Variants in AFF3 observed in about 807,000 individuals in gnomAD.
AFF3 encodes AF4/FMR2 family member 3.
AFF3 carries 32 observed loss-of-function variants against 129.7 expected under a neutral mutation model. That is an observed-to-expected ratio of 0.25 (90% CI 0.19 to 0.33). The LOEUF (loss-of-function observed/expected upper bound fraction) is 0.33, where lower values mean the gene tolerates loss of function less well. Ranked by LOEUF, AFF3 falls within the 10% of genes least tolerant of loss-of-function variation. The pLI, the probability that AFF3 is intolerant of heterozygous loss-of-function variation, is 1.00. For synonymous variants in AFF3, 644 were observed against 635.4 expected (o/e 1.01, Z -0.20); for missense variants, 1,373 against 1,592.0 (o/e 0.86, Z 2.34).
chr2:100,080,039 A>G (rs1280259592), intron 4 of AFF3, among the ~76,000 whole-genome samples: 2 of 152,242 alleles, frequency 1.3e-5, no homozygotes, highest in African/African-American at 4.8e-5. Context: ...TAGCTCAGAC[A>G]CTGCAAACCA....
intron 8 of AFF3, among the ~76,000 whole-genome samples, chr2:99,768,322 A>G (rs1683186276): frequency 6.6e-6 from 1 of 152,210 alleles, no homozygotes; most frequent in African/African-American, 2.4e-5. Context: ...ACCAGTGTTA[A>G]GCACTGGGTA....
chr2:99,965,224 T>C (rs1677626247), intron 7 of AFF3, among the ~76,000 whole-genome samples: 1 of 152,166 alleles, frequency 6.6e-6, no homozygotes, highest in Non-Finnish European at 1.5e-5. Flanking sequence ...AACCCACCTA[T>C]TCAAAGAAAG....
At chr2:99,696,293 T>C (rs1676258038) in intron 11 of AFF3, among the ~76,000 whole-genome samples, 1 of 152,224 alleles carries the variant, frequency 6.6e-6, no homozygotes, top group African/African-American at 2.4e-5. Flanking sequence ...ACCAACTTCA[T>C]GGCACGTTAG....
At chr2:99,708,645 T>C (rs1436162752) in intron 11 of AFF3, among the ~76,000 whole-genome samples, 1 of 152,178 alleles carries the variant, frequency 6.6e-6, no homozygotes, top group East Asian at 1.9e-4. Flanking sequence ...TGATTAGTAA[T>C]AGTGATTATT....
intron 8 of AFF3, among the ~76,000 whole-genome samples, chr2:99,796,694 T>C (rs895635040): frequency 4.6e-5 from 7 of 152,134 alleles, no homozygotes; most frequent in Admixed American, 1.3e-4. Flanking sequence ...CAGGTCTTCC[T>C]TGAGTATTCA....
chr2:100,093,253 TGCACCACGATG>T, intron 4 of AFF3, among the ~76,000 whole-genome samples: 1 of 147,568 alleles, frequency 6.8e-6, no homozygotes, highest in East Asian at 2.1e-4. Flanking sequence ...ACCACAGGCA[TGCACCACGATG>T]GCCAGCTAAT....
At chr2:99,928,042 C>CA (rs373136482) in intron 7 of AFF3, among the ~76,000 whole-genome samples, 8 of 152,202 alleles carry the variant, frequency 5.3e-5, no homozygotes, top group African/African-American at 1.9e-4. Context: ...CTGCCATCCA[C>CA]ATAAGATGTG....
chr2:99,704,159 G>C (rs1677141594), intron 11 of AFF3, among the ~76,000 whole-genome samples: 1 of 152,122 alleles, frequency 6.6e-6, no homozygotes, highest in Non-Finnish European at 1.5e-5. Context: ...TTCATATGAT[G>C]AAAGAAGCTC....
rs1685048400 is a variant in AFF3, at chr2:99,649,650, G to A, written c.1160C>T (p.Thr387Met). 15 of 1,614,144 alleles carry A rather than the reference G, an allele frequency of 9.3e-6. No individual in the cohort carries two copies. Among genetic ancestry groups the A allele is most frequent in the Non-Finnish European group, 1.2e-5 (14 of 1,180,022 alleles). ...CCTGTCAGAGAGAGCGCGGAGAGCC[G>A]TTCTCTGAGCTGCCTGCTGGAAGAA... ...EENEQQAAQR[T>M]ALRALSDSAV... is the part of the protein sequence containing the mutation. The change falls in exon 13 of 25, where the codon ACG (threonine) becomes ATG (methionine). Residue 387 changes from threonine (T) to methionine (M), a missense_variant. By Grantham distance (81) the Thr-to-Met change is moderately conservative. Around this residue, in one of 9 missense-constraint regions of AFF3, gnomAD observed 413 missense variants for 424.4 expected, o/e 0.97. Coordinates refer to ENST00000672756, the MANE Select transcript of AFF3 (RefSeq NM_001386135.1).
At chr2:99,845,842 C>A (rs1689677277) in intron 7 of AFF3, among the ~76,000 whole-genome samples, 2 of 152,022 alleles carry the variant, frequency 1.3e-5, no homozygotes, top group African/African-American at 4.8e-5. Context: ...TAATTAATTT[C>A]TTTATTTTGA....
chr2:99,956,042 A>G (rs1676608577), intron 7 of AFF3, among the ~76,000 whole-genome samples: 1 of 152,218 alleles, frequency 6.6e-6, no homozygotes, highest in Admixed American at 6.5e-5. Context: ...AGGAAAAATA[A>G]AAGCAGAAAA....
intron 8 of AFF3, among the ~76,000 whole-genome samples, chr2:99,801,588 T>A (rs192801844): frequency 5.3e-5 from 8 of 152,318 alleles, no homozygotes; most frequent in Admixed American, 3.9e-4. Context: ...TTCCCACTAC[T>A]GAAGCACAGA....
At chr2:99,645,566 T>C (rs1015060281) in intron 13 of AFF3, among the ~76,000 whole-genome samples, 1 of 152,146 alleles carries the variant, frequency 6.6e-6, no homozygotes, top group Non-Finnish European at 1.5e-5. Context: ...GAGGCGCAAG[T>C]GAGTGGGGCT....
chr2:100,004,251 G>A (rs1681730027), intron 7 of AFF3, among the ~76,000 whole-genome samples: 1 of 152,000 alleles, frequency 6.6e-6, no homozygotes, highest in South Asian at 2.1e-4. Flanking sequence ...CTACCTCACT[G>A]GAAGTTAATG....
chr2:100,063,334 C>T (rs1410495850), intron 4 of AFF3, among the ~76,000 whole-genome samples: 1 of 150,280 alleles, frequency 6.7e-6, no homozygotes, highest in South Asian at 2.1e-4. Context: ...TGCATAACAA[C>T]GTGAATGTAC....
At chr2:100,094,090 T>A (rs1457436866) in intron 4 of AFF3, among the ~76,000 whole-genome samples, 1 of 152,240 alleles carries the variant, frequency 6.6e-6, no homozygotes, top group Non-Finnish European at 1.5e-5. Context: ...TTAAGGTGAA[T>A]CCTCATTTCT....
intron 16 of AFF3, among the ~76,000 whole-genome samples, chr2:99,586,415 T>G (rs1678122804): frequency 6.6e-6 from 1 of 152,196 alleles, no homozygotes. Flanking sequence ...TTCCTAACCT[T>G]TCAGTTTACA....
At chr2:99,869,690 C>A in intron 7 of AFF3, among the ~76,000 whole-genome samples, 1 of 152,134 alleles carries the variant, frequency 6.6e-6, no homozygotes, top group Non-Finnish European at 1.5e-5. Context: ...CCCCTGGGCA[C>A]CCCAGCATAA....
At position 99,575,414 on chromosome 2, in the gene AFF3, A is replaced by ATTTTTTTTT. The variant is rs540441950; in HGVS notation, c.2918+2904_2918+2912dup. ...AGCTGGGATTACAGGTGCCTGGCTA[A>ATTTTTTTTT]TTTTTTTTTTTTTTTTTTGTATTTT... On this transcript the variant is annotated intron_variant, in intron 18 of 24. Transcript: ENST00000672756. Among the ~76,000 whole-genome samples, 242 of 127,434 alleles carry ATTTTTTTTT rather than the reference A, an allele frequency of 1.9e-3. 9 individuals are homozygous for ATTTTTTTTT. Among genetic ancestry groups the ATTTTTTTTT allele is most frequent in the African/African-American group, 6.1e-3 (198 of 32,484 alleles). 83.6% of individuals were successfully genotyped at this position (127,434 alleles called of 152,430 possible).
Sources: gnomAD v4.1 joint callset for allele counts (sites outside exome capture counted in the v4.1 genomes callset) on GRCh38, gnomAD v4.1.1 for gene constraint, gnomAD v4.1.1 regional missense constraint, MANE v1.5 for transcripts, NCBI Gene and HGNC (gene_info 2026-07-23, HGNC 2026-07-21) for gene names.